Variants in KBTBD12 observed in about 807,000 individuals in gnomAD.
The protein encoded by KBTBD12 is kelch repeat and BTB domain containing 12.
Under a neutral mutation model 58.7 loss-of-function variants are expected in KBTBD12, and 53 were observed. The ratio of observed to expected loss-of-function variants is 0.90; its 90% CI spans 0.72 to 1.14. KBTBD12 has a LOEUF of 1.14. Among genes scored for constraint, KBTBD12 ranks in the 50% most tolerant of loss-of-function variants. The pLI, the probability that KBTBD12 is intolerant of heterozygous loss-of-function variation, is 0.00. For synonymous variants in KBTBD12, 236 were observed against 259.8 expected (o/e 0.91, Z 0.88); for missense variants, 704 against 751.3 (o/e 0.94, Z 0.74).
Position 127,986,809 on chromosome 3 carries a change from A to G in KBTBD12, c.*2531A>G, listed in dbSNP as rs1253174123. Reference sequence around the variant, plus strand: ...GCTGAGATGGTTCTTAATTTCCCATACCCTGTTGCTTGGCTCCTCCAGTTG... The same window carrying G: ...GCTGAGATGGTTCTTAATTTCCCATGCCCTGTTGCTTGGCTCCTCCAGTTG... On this transcript the variant is annotated 3_prime_UTR_variant, in exon 6 of 6. Transcript: ENST00000405109. 1 of 152,038 alleles carries G rather than the reference A, an allele frequency of 6.6e-6. No individual in the cohort carries two copies. The highest frequency in any genetic ancestry group is 1.5e-5 in the Non-Finnish European group (1 of 68,122). The allele number at this position is 152,038 out of a possible 1,614,324, so 9.4% of individuals were successfully genotyped here.
At chr3:127,948,578 C>T (rs1410908595) in intron 4 of KBTBD12, among the ~76,000 whole-genome samples, 2 of 152,178 alleles carry the variant, frequency 1.3e-5, no homozygotes, top group South Asian at 4.1e-4. Context: ...CAGACAAACC[C>T]TAGTCAAGAT....
chr3:127,952,723 G>A (rs568222615), intron 4 of KBTBD12, among the ~76,000 whole-genome samples: 4 of 152,306 alleles, frequency 2.6e-5, no homozygotes, highest in Admixed American at 2.6e-4. Context: ...CTTGTGCTCT[G>A]GGCACTAGCA....
At chr3:127,920,700 C>T (rs985928911) in intron 1 of KBTBD12, among the ~76,000 whole-genome samples, 42 of 151,444 alleles carry the variant, frequency 2.8e-4, no homozygotes, top group African/African-American at 9.9e-4. Context: ...TTTTTTGCAC[C>T]ACATTAATAT....
chr3:127,919,422 G>C (rs1030990911), intron 1 of KBTBD12, among the ~76,000 whole-genome samples: 5 of 152,184 alleles, frequency 3.3e-5, no homozygotes, highest in Non-Finnish European at 5.9e-5. Flanking sequence ...TAGAGACGGG[G>C]TTTCACCATG....
intron 4 of KBTBD12, among the ~76,000 whole-genome samples, chr3:127,954,074 C>G (rs1388829023): frequency 6.6e-6 from 1 of 152,078 alleles, no homozygotes; most frequent in Non-Finnish European, 1.5e-5. Context: ...AATGACAGAA[C>G]CACTGACATG....
chr3:127,934,803 G>C (rs1293452552), intron 4 of KBTBD12, among the ~76,000 whole-genome samples: 1 of 152,236 alleles, frequency 6.6e-6, no homozygotes, highest in East Asian at 1.9e-4. Context: ...CAAGAATTCT[G>C]TATCCAGGAA....
chr3:127,976,169 A>AGC (rs1442346796), intron 5 of KBTBD12, among the ~76,000 whole-genome samples: 16 of 152,222 alleles, frequency 1.1e-4, no homozygotes, highest in African/African-American at 3.6e-4. Context: ...ATTTTCTTAC[A>AGC]TAAACACGGA....
intron 4 of KBTBD12, among the ~76,000 whole-genome samples, chr3:127,957,797 C>T (rs556097591): frequency 6.6e-6 from 1 of 152,278 alleles, no homozygotes; most frequent in South Asian, 2.1e-4. Flanking sequence ...GACATCTGCC[C>T]TCAAGGGACT....
intron 4 of KBTBD12, 105 bp from the exon 5 acceptor site, chr3:127,963,084 G>A (rs1224125069): frequency 9.8e-7 from 1 of 1,017,224 alleles, no homozygotes; most frequent in African/African-American, 1.6e-5. Context: ...AAAGAGAAAA[G>A]TTACAGTCCC....
chr3:127,965,691 A>G (rs1420595547), intron 5 of KBTBD12, among the ~76,000 whole-genome samples: 1 of 152,266 alleles, frequency 6.6e-6, no homozygotes, highest in Non-Finnish European at 1.5e-5. Flanking sequence ...ATGGATAAAC[A>G]TGTAATAAAC....
rs927195207 is a variant in KBTBD12, at chr3:127,923,550, G to A, written c.489G>A (p.Val163=). The A allele has an allele frequency of 2.5e-6, 4 of 1,613,084 alleles. No individual in the cohort carries two copies. The highest frequency in any genetic ancestry group is 3.4e-6 in the Non-Finnish European group (4 of 1,179,640). The part of the protein sequence containing the change: ...KKYLYQHFAE[V]SLHEEILEIE... ...ATTTATATCAGCACTTTGCCGAGGT[G>A]AGCTTACATGAAGAAATACTAGAAA... Residue 163 remains valine (V), a synonymous_variant, in exon 2 of 6, where the codon GTG becomes GTA. Transcript: ENST00000405109.
intron 4 of KBTBD12, among the ~76,000 whole-genome samples, chr3:127,945,735 G>A (rs1488261170): frequency 6.7e-6 from 1 of 149,024 alleles, no homozygotes; most frequent in East Asian, 2.0e-4. Context: ...CTAGAGTGCA[G>A]TGGTGCAACC....
intron 5 of KBTBD12, among the ~76,000 whole-genome samples, chr3:127,975,962 C>T (rs940250068): frequency 1.3e-5 from 2 of 152,038 alleles, no homozygotes; most frequent in South Asian, 4.1e-4. Context: ...AGAAAAGTTA[C>T]AAAAAAGAAA....
At chr3:127,927,158 A>G (rs940280218) in intron 2 of KBTBD12, among the ~76,000 whole-genome samples, 1 of 152,154 alleles carries the variant, frequency 6.6e-6, no homozygotes, top group Non-Finnish European at 1.5e-5. Flanking sequence ...TGCCACATCT[A>G]GTAGATTAAA....
chr3:127,926,117 T>A (rs1444827733), intron 2 of KBTBD12, among the ~76,000 whole-genome samples: 1 of 152,196 alleles, frequency 6.6e-6, no homozygotes, highest in Non-Finnish European at 1.5e-5. Flanking sequence ...AAGGCCTTTG[T>A]CACTATTGTT....
At chr3:127,952,373 A>C (rs1940225800) in intron 4 of KBTBD12, among the ~76,000 whole-genome samples, 1 of 152,252 alleles carries the variant, frequency 6.6e-6, no homozygotes, top group Admixed American at 6.5e-5. Flanking sequence ...GTACTACTGT[A>C]TTTGCTCCCT....
At chr3:127,958,429 T>A (rs918137841) in intron 4 of KBTBD12, among the ~76,000 whole-genome samples, 8 of 151,818 alleles carry the variant, frequency 5.3e-5, no homozygotes, top group Middle Eastern at 3.4e-3. Flanking sequence ...GACAGACTGG[T>A]GGTAAGATGG....
At chr3:127,918,563 T>A (rs1939314248) in intron 1 of KBTBD12, among the ~76,000 whole-genome samples, 1 of 151,986 alleles carries the variant, frequency 6.6e-6, no homozygotes, top group Non-Finnish European at 1.5e-5. Context: ...ATACAAAAAA[T>A]TAGCTGGGGG....
At chr3:127,935,622 A>G (rs1939813345) in intron 4 of KBTBD12, among the ~76,000 whole-genome samples, 1 of 152,128 alleles carries the variant, frequency 6.6e-6, no homozygotes, top group African/African-American at 2.4e-5. Context: ...AAAATGATGC[A>G]CTTAAAAATG....
Sources: gnomAD v4.1 joint callset for allele counts (sites outside exome capture counted in the v4.1 genomes callset) on GRCh38, gnomAD v4.1.1 for gene constraint, MANE v1.5 for transcripts, NCBI Gene and HGNC (gene_info 2026-07-23, HGNC 2026-07-21) for gene names.